PTPRK: variants seen among roughly 807,000 people sequenced by gnomAD.
PTPRK encodes receptor-type tyrosine-protein phosphatase kappa.
PTPRK carries 75 observed loss-of-function variants against 178.0 expected under a neutral mutation model. The ratio of observed to expected loss-of-function variants is 0.42; its 90% CI spans 0.35 to 0.51. The LOEUF (loss-of-function observed/expected upper bound fraction) is 0.51, where lower values mean the gene tolerates loss of function less well. Ranked by LOEUF, PTPRK falls within the 20% of genes least tolerant of loss-of-function variation. The probability of loss-of-function intolerance (pLI) is 0.02; values close to 1 mark genes in which losing one functional copy is unlikely to be tolerated. For synonymous variants in PTPRK, 637 were observed against 620.6 expected (o/e 1.03, Z -0.39); for missense variants, 1,441 against 1,797.8 (o/e 0.80, Z 3.59).
chr6:128,110,132 C>T (rs1562600764), intron 7 of PTPRK, among the ~76,000 whole-genome samples: 2 of 152,042 alleles, frequency 1.3e-5, no homozygotes, highest in African/African-American at 4.8e-5. Flanking sequence ...CTATCTTGTC[C>T]AGACTGGTCT....
intron 3 of PTPRK, among the ~76,000 whole-genome samples, chr6:128,274,969 T>C (rs1820483884): frequency 6.6e-6 from 1 of 151,996 alleles, no homozygotes. Flanking sequence ...TATAATTCAA[T>C]TATAGGATAA....
At chr6:128,268,968 G>A (rs1819372749) in intron 3 of PTPRK, among the ~76,000 whole-genome samples, 1 of 151,896 alleles carries the variant, frequency 6.6e-6, no homozygotes, top group Non-Finnish European at 1.5e-5. Context: ...TCTTACCTTG[G>A]TAGGAAATCA....
chr6:128,030,205 G>T (rs757402871), intron 13 of PTPRK, among the ~76,000 whole-genome samples: 4 of 152,168 alleles, frequency 2.6e-5, no homozygotes, highest in Non-Finnish European at 4.4e-5. Context: ...CTGAAGAGAA[G>T]TGGGGGCTGT....
chr6:128,482,632 G>A (rs767694429), intron 1 of PTPRK, among the ~76,000 whole-genome samples: 2 of 152,126 alleles, frequency 1.3e-5, no homozygotes, highest in East Asian at 1.9e-4. Context: ...ACAGAAAAGC[G>A]CCTCAAAAGC....
rs535509920 is a variant in PTPRK, at chr6:128,355,320, T to A, written c.224-33010A>T. ...CCAAAAAATAAATTTCTATCCATGCTATCTAAATTATTTGAAATTTAAAAT... is the reference window on the plus strand; with the variant it reads ...CCAAAAAATAAATTTCTATCCATGCAATCTAAATTATTTGAAATTTAAAAT... On this transcript the variant is annotated intron_variant, in intron 2 of 29. Coordinates refer to ENST00000368226, the MANE Select transcript of PTPRK (RefSeq NM_002844.4). 1.8e-4 allele frequency among the ~76,000 whole-genome samples: 28 copies of A among 152,368 alleles called. 1 individual carries two copies. Among genetic ancestry groups the A allele is most frequent in the African/African-American group, 6.7e-4 (28 of 41,592 alleles).
At chr6:128,345,003 G>A (rs931212844) in intron 2 of PTPRK, among the ~76,000 whole-genome samples, 1 of 151,212 alleles carries the variant, frequency 6.6e-6, no homozygotes, top group Admixed American at 6.6e-5. Context: ...AGAATGGGGG[G>A]GGAAAGTAGG....
At chr6:128,032,709 T>C (rs1378232848) in intron 13 of PTPRK, among the ~76,000 whole-genome samples, 1 of 152,192 alleles carries the variant, frequency 6.6e-6, no homozygotes, top group Non-Finnish European at 1.5e-5. Context: ...TCCAGGGTTT[T>C]GTAGATTCTA....
At position 128,086,281 on chromosome 6, in the gene PTPRK, G is replaced by T. The variant is rs569393961; in HGVS notation, c.1466-2457C>A. Among the ~76,000 whole-genome samples the T allele has an allele frequency of 1.6e-4, 24 of 152,164 alleles. No individual in the cohort carries two copies. In the South Asian group the frequency reaches 5.0e-3, roughly 32 times the overall value. On this transcript the variant is annotated intron_variant, in intron 8 of 29. Coordinates refer to ENST00000368226, the MANE Select transcript of PTPRK (RefSeq NM_002844.4). ...TTATAGCCTTTAAAATGTAATAAAT[G>T]TACTTTCAAAAATAGCTTTGTAGTC...
chr6:128,311,054 C>T (rs1165635261), intron 3 of PTPRK, among the ~76,000 whole-genome samples: 1 of 152,068 alleles, frequency 6.6e-6, no homozygotes, highest in Non-Finnish European at 1.5e-5. Context: ...CAAAATTTAG[C>T]AATTCTGTTG....
intron 7 of PTPRK, among the ~76,000 whole-genome samples, chr6:128,182,533 C>T (rs1802082064): frequency 6.6e-6 from 1 of 152,082 alleles, no homozygotes; most frequent in African/African-American, 2.4e-5. Flanking sequence ...AAGATCACGC[C>T]ACTGCACTCT....
chr6:128,464,618 T>C (rs1276382791), intron 1 of PTPRK, among the ~76,000 whole-genome samples: 8 of 90,918 alleles, frequency 8.8e-5, no homozygotes, highest in South Asian at 3.9e-4. Flanking sequence ...TATATACATA[T>C]ACATATATAT....
At chr6:128,327,677 C>T (rs1829755733) in intron 2 of PTPRK, among the ~76,000 whole-genome samples, 1 of 152,142 alleles carries the variant, frequency 6.6e-6, no homozygotes, top group Non-Finnish European at 1.5e-5. Context: ...TTAGAAAGCA[C>T]CTGAATTATT....
At chr6:128,479,280 G>A (rs1434443704) in intron 1 of PTPRK, among the ~76,000 whole-genome samples, 2 of 151,988 alleles carry the variant, frequency 1.3e-5, no homozygotes, top group African/African-American at 2.4e-5. Flanking sequence ...AAAAAATTCT[G>A]CATTTTATTT....
chr6:128,514,178 A>T (rs1002067488), intron 1 of PTPRK, among the ~76,000 whole-genome samples: 4 of 152,232 alleles, frequency 2.6e-5, no homozygotes, highest in African/African-American at 9.6e-5. Context: ...GTATAACAGT[A>T]TAGTATAGTA....
chr6:127,991,439 GT>G, intron 19 of PTPRK, 48 bp from the exon 20 acceptor site: 1 of 1,430,192 alleles, frequency 7.0e-7, no homozygotes, highest in Non-Finnish European at 9.5e-7. Context: ...GAATTTTGTA[GT>G]TAGTAAGAAG....
In PTPRK at chr6:128,242,579, T is replaced by G; in HGVS notation, c.519A>C (p.Ser173=). 1 of 1,612,700 alleles carries G rather than the reference T, an allele frequency of 6.2e-7. No individual in the cohort carries two copies. Among genetic ancestry groups the G allele is most frequent in the Non-Finnish European group, 8.5e-7 (1 of 1,179,504 alleles). The part of the protein sequence containing the change: ...EYQVIFEAEV[S]GGRSGYIAID... Reference sequence around the variant, plus strand: ...TGGCAATATAACCACTTCTCCCTCCTGAGACTTCAGCTTCAAATATTACCT... The same window carrying G: ...TGGCAATATAACCACTTCTCCCTCCGGAGACTTCAGCTTCAAATATTACCT... The change falls in exon 4 of 30, where the codon TCA becomes TCC. Residue 173 remains serine (S), a synonymous_variant. Coordinates refer to ENST00000368226, the MANE Select transcript of PTPRK (RefSeq NM_002844.4).
At chr6:128,201,463 A>G (rs1409571971) in intron 6 of PTPRK, among the ~76,000 whole-genome samples, 2 of 152,236 alleles carry the variant, frequency 1.3e-5, no homozygotes, top group Non-Finnish European at 2.9e-5. Flanking sequence ...AGAATCTAAA[A>G]AAAGGACATG....
chr6:128,213,302 T>A (rs193075028), intron 6 of PTPRK, among the ~76,000 whole-genome samples: 38 of 152,126 alleles, frequency 2.5e-4, no homozygotes, highest in Non-Finnish European at 1.5e-5. Context: ...AAATGTTTCT[T>A]TTATCATACT....
chr6:128,110,287 A>C (rs1790431080), intron 7 of PTPRK, among the ~76,000 whole-genome samples: 1 of 152,164 alleles, frequency 6.6e-6, no homozygotes, highest in South Asian at 2.1e-4. Context: ...CACTCAAAGA[A>C]TCAGGACACC....
Sources: gnomAD v4.1 joint callset for allele counts (sites outside exome capture counted in the v4.1 genomes callset) on GRCh38, gnomAD v4.1.1 for gene constraint, MANE v1.5 for transcripts, NCBI Gene and HGNC (gene_info 2026-07-23, HGNC 2026-07-21) for gene names.